The following DPYSL2 variants were observed in gnomAD, a reference collection of about 807,000 sequenced individuals.
DPYSL2 encodes the protein dihydropyrimidinase like 2, also known as dihydropyrimidinase-related protein 2.
In DPYSL2, 13 loss-of-function variants were observed where a neutral mutation model predicts 69.9. The observed-to-expected ratio is 0.19, with a 90% CI of 0.12 to 0.30. The LOEUF (loss-of-function observed/expected upper bound fraction) is 0.30. DPYSL2 is among the 10% of genes least tolerant of loss of function. The pLI is 1.00. For synonymous variants in DPYSL2, 326 were observed against 359.1 expected (o/e 0.91, Z 1.04); for missense variants, 587 against 918.9 (o/e 0.64, Z 4.67).
rs147723946 is a variant in DPYSL2 at position 26,517,640 on chromosome 8, G to A, written c.354+2961G>A. 4.3e-3 allele frequency among the ~76,000 whole-genome samples: 657 copies of A among 152,228 alleles called. 10 individuals carry two copies. Among genetic ancestry groups the A allele is most frequent in the African/African-American group, 0.015 (614 of 41,526 alleles). Reference sequence around the variant, plus strand: ...TCCTCCATTCCACTCCAGACACAGCGTAGCCAGAACCAGTGGCTCCACCAG... The same window carrying A: ...TCCTCCATTCCACTCCAGACACAGCATAGCCAGAACCAGTGGCTCCACCAG... On this transcript the variant is annotated intron_variant, in intron 1 of 13. Coordinates refer to ENST00000521913, the MANE Select transcript of DPYSL2 (RefSeq NM_001197293.3). This position sits in a 1 kb window ranked among gnomAD's most constrained non-coding sequence, Gnocchi z 4.2.
intron 3 of DPYSL2, among the ~76,000 whole-genome samples, chr8:26,615,517 T>C (rs1451624941): frequency 6.6e-6 from 1 of 151,544 alleles, no homozygotes. Flanking sequence ...GGTTGGTATA[T>C]TGAGTCACAT....
chr8:26,625,167 A>G (rs2129907568), intron 4 of DPYSL2, among the ~76,000 whole-genome samples: 1 of 152,336 alleles, frequency 6.6e-6, no homozygotes, highest in South Asian at 2.1e-4. Flanking sequence ...CTGATCTTCC[A>G]CAGACTAACT....
rs1801500838 is a variant in DPYSL2 at position 26,581,867 on chromosome 8, A to C, written c.355-102A>C. On this transcript the variant is annotated intron_variant, in intron 1 of 13. Coordinates refer to ENST00000521913, the MANE Select transcript of DPYSL2 (RefSeq NM_001197293.3). ...TTTCCAAAATGGGCTTATTTTGAACATCACTTTTGAACAGTGAAAATGTAT... is the reference window on the plus strand; with the variant it reads ...TTTCCAAAATGGGCTTATTTTGAACCTCACTTTTGAACAGTGAAAATGTAT... The C allele has an allele frequency of 2.0e-5, 18 of 919,390 alleles. 1 individual carries two copies. In the South Asian group the frequency reaches 2.7e-4, roughly 14 times the overall value. The allele number at this position is 919,390 out of a possible 1,614,324, so 57.0% of individuals were successfully genotyped here.
Position 26,653,194 on chromosome 8 carries a change from G to T in DPYSL2, c.1777-38G>T, listed in dbSNP as rs777535797. ...GGTTTCTAGAGAGGTATCCTCTGTG[G>T]CTGTGGCCTGAGCTGGGGGGACTCT... On this transcript the variant is annotated intron_variant, in intron 12 of 13. Coordinates refer to ENST00000521913, the MANE Select transcript of DPYSL2 (RefSeq NM_001197293.3). The surrounding 1 kb of genome is among the most constrained non-coding windows in gnomAD (Gnocchi z 5.7). 15 of 1,603,862 alleles carry T rather than the reference G, an allele frequency of 9.4e-6. No individual in the cohort carries two copies. Among genetic ancestry groups the T allele is most frequent in the South Asian group, 2.2e-5 (2 of 89,354 alleles).
intron 1 of DPYSL2, among the ~76,000 whole-genome samples, chr8:26,570,116 CA>C (rs1386817808): frequency 6.6e-6 from 1 of 152,194 alleles, no homozygotes; most frequent in East Asian, 1.9e-4. Context: ...TTTATGCAAG[CA>C]GCCTGGCTTG....
At chr8:26,594,683 T>G (rs980187976) in intron 3 of DPYSL2, among the ~76,000 whole-genome samples, 1 of 152,208 alleles carries the variant, frequency 6.6e-6, no homozygotes, top group African/African-American at 2.4e-5. Context: ...TATCTATTGT[T>G]TATCTAATCT....
In DPYSL2 at chr8:26,630,615, A is replaced by G. The variant is rs1411810652; in HGVS notation, c.1005+2675A>G. ...ACATCTCCTTCCCACAACTCCAGGG[A>G]TGCCATTCATGCAGGCTGCATGGCT... On this transcript the variant is annotated intron_variant, in intron 7 of 13. Transcript: ENST00000521913. Among the ~76,000 whole-genome samples, 8 of 141,440 alleles carry G rather than the reference A, an allele frequency of 5.7e-5. No homozygotes were observed. In the South Asian group the frequency reaches 1.7e-3, roughly 31 times the overall value. 92.8% of individuals were successfully genotyped at this position (141,440 alleles called of 152,430 possible). A position where few individuals can be genotyped will look rare whatever the true frequency, so the allele number is the denominator to read the frequency against.
intron 3 of DPYSL2, among the ~76,000 whole-genome samples, chr8:26,590,256 A>G (rs915879116): frequency 1.3e-5 from 2 of 152,228 alleles, no homozygotes; most frequent in African/African-American, 4.8e-5. Flanking sequence ...CCTGGCGATT[A>G]GAAAGCCACG....
chr8:26,519,899 CTCTTAT>C (rs1808357745), intron 1 of DPYSL2, among the ~76,000 whole-genome samples: 1 of 152,148 alleles, frequency 6.6e-6, no homozygotes, highest in African/African-American at 2.4e-5. Flanking sequence ...GTAGATGTTA[CTCTTAT>C]TCTTATTTTG....
intron 1 of DPYSL2, among the ~76,000 whole-genome samples, chr8:26,561,568 A>C (rs1438663357): frequency 2.7e-5 from 4 of 147,064 alleles, no homozygotes; most frequent in Non-Finnish European, 4.5e-5. Context: ...CCCCCACTTC[A>C]CCCCGCTACT....
intron 3 of DPYSL2, among the ~76,000 whole-genome samples, chr8:26,613,674 G>A (rs1802285967): frequency 6.6e-6 from 1 of 152,208 alleles, no homozygotes; most frequent in Non-Finnish European, 1.5e-5. Context: ...AAGGAGGAGA[G>A]AGGAAATGAC....
In DPYSL2 at chr8:26,587,365, C is replaced by T. The variant is rs535193445; in HGVS notation, c.628+3382C>T. Among the ~76,000 whole-genome samples, 61 of 152,292 alleles carry T rather than the reference C, an allele frequency of 4.0e-4. No homozygotes were observed. The highest frequency in any genetic ancestry group is 1.3e-3 in the African/African-American group (54 of 41,566). ...TCTTCCTCCCAACTCCCCGCCACCC[C>T]GCCCCTGGGCACTCCACCCTCCTGG... is the stretch of plus-strand genomic sequence containing the variant. On this transcript the variant is annotated intron_variant, in intron 3 of 13. Transcript: ENST00000521913. The surrounding 1 kb of genome is among the most constrained non-coding windows in gnomAD (Gnocchi z 4.2).
intron 1 of DPYSL2, among the ~76,000 whole-genome samples, chr8:26,572,084 G>A (rs1444292994): frequency 6.6e-6 from 1 of 152,192 alleles, no homozygotes; most frequent in African/African-American, 2.4e-5. Context: ...AGCACTCTGG[G>A]CATTGGGGAT....
At position 26,565,925 on chromosome 8, in the gene DPYSL2, C is replaced by T. The variant is rs545279453; in HGVS notation, c.355-16044C>T. On this transcript the variant is annotated intron_variant, in intron 1 of 13. Coordinates refer to ENST00000521913, the MANE Select transcript of DPYSL2 (RefSeq NM_001197293.3). This position sits in a 1 kb window ranked among gnomAD's most constrained non-coding sequence, Gnocchi z 4.1. ...AGAGGGAATTGTCTATGTCCTAGGC[C>T]TTGAAGAGATGCACTGCGTTGGCTA... 6.6e-6 allele frequency among the ~76,000 whole-genome samples: 1 copy of T among 152,148 alleles called. No homozygotes were observed. The highest frequency in any genetic ancestry group is 2.1e-4 in the South Asian group (1 of 4,832).
chr8:26,625,489 C>G (rs551616805), intron 4 of DPYSL2, among the ~76,000 whole-genome samples: 2 of 152,124 alleles, frequency 1.3e-5, no homozygotes, highest in Non-Finnish European at 2.9e-5. Context: ...CAGCACCCCC[C>G]AGGTGGCTTG....
At chr8:26,527,741 TA>T (rs916531060) in intron 1 of DPYSL2, among the ~76,000 whole-genome samples, 23 of 150,950 alleles carry the variant, frequency 1.5e-4, no homozygotes, top group Admixed American at 9.2e-4. Context: ...ATCCCAGAAT[TA>T]AAAAAATATG....
At chr8:26,616,688 C>T (rs1458960883) in intron 3 of DPYSL2, among the ~76,000 whole-genome samples, 3 of 152,176 alleles carry the variant, frequency 2.0e-5, no homozygotes, top group African/African-American at 2.4e-5. Flanking sequence ...AAGGGGCTGG[C>T]GGGTACCCGA....
At chr8:26,534,074 T>C (rs1432963891) in intron 1 of DPYSL2, among the ~76,000 whole-genome samples, 1 of 152,226 alleles carries the variant, frequency 6.6e-6, no homozygotes, top group Admixed American at 6.5e-5. Flanking sequence ...AGGAGTTCAA[T>C]GAGCAACAAC....
Position 26,564,197 on chromosome 8 carries a change from A to G in DPYSL2, c.355-17772A>G. On this transcript the variant is annotated intron_variant, in intron 1 of 13. Coordinates refer to ENST00000521913, the MANE Select transcript of DPYSL2 (RefSeq NM_001197293.3). This position sits in a 1 kb window ranked among gnomAD's most constrained non-coding sequence, Gnocchi z 4.8. Reference sequence around the variant, plus strand: ...TTCCAATTAGCATGCTGTTTGCCCAAGCTTTTCTAATGGAGTCAGGCGAAG... The same window carrying G: ...TTCCAATTAGCATGCTGTTTGCCCAGGCTTTTCTAATGGAGTCAGGCGAAG... 6.6e-6 allele frequency among the ~76,000 whole-genome samples: 1 copy of G among 152,198 alleles called. No individual in the cohort carries two copies. Among genetic ancestry groups the G allele is most frequent in the East Asian group, 1.9e-4 (1 of 5,180 alleles).
Sources: allele counts gnomAD v4.1 joint callset (sites outside exome capture counted in the v4.1 genomes callset), GRCh38; gene constraint gnomAD v4.1.1; non-coding constraint Gnocchi (gnomAD v3.1); transcripts MANE v1.5; gene names NCBI Gene and HGNC (gene_info 2026-07-23, HGNC 2026-07-21).